The following SMURF1 variants were observed in gnomAD, a reference collection of about 807,000 sequenced individuals.
SMURF1 encodes SMAD specific E3 ubiquitin protein ligase 1.
A neutral mutation model predicts 98.0 loss-of-function variants in SMURF1; 44 were observed. The observed-to-expected ratio is 0.45, with a 90% CI of 0.35 to 0.58. The LOEUF (loss-of-function observed/expected upper bound fraction) is 0.58, where lower values mean the gene tolerates loss of function less well. SMURF1 is among the 20% of genes least tolerant of loss of function. The pLI, the probability that SMURF1 is intolerant of heterozygous loss-of-function variation, is 0.00. For missense variants in SMURF1, 687 were observed against 938.4 expected, an observed-to-expected ratio of 0.73 and a Z score of 3.50; for synonymous variants, 396 against 374.9, an observed-to-expected ratio of 1.06 and a Z score of -0.65.
intron 1 of SMURF1, among the ~76,000 whole-genome samples, chr7:99,092,530 G>A (rs1222593677): frequency 1.3e-5 from 2 of 152,144 alleles, no homozygotes; most frequent in Non-Finnish European, 2.9e-5. Context: ...AGGCAACAAC[G>A]CGCCTTCTCG....
In SMURF1 at chr7:99,045,301, C is replaced by T. The variant is rs113184720; in HGVS notation, c.1256+397G>A. Among the ~76,000 whole-genome samples the T allele has an allele frequency of 4.1e-3, 618 of 152,306 alleles. 2 individuals are homozygous for T. The highest frequency in any genetic ancestry group is 0.013 in the African/African-American group (542 of 41,552). ...ATTCCTTTGACACAAATGCAATTTA[C>T]ATGCACAAATGCAATCCCTGCCCTG... On this transcript the variant is annotated intron_variant, in intron 11 of 17. Transcript: ENST00000361368.
chr7:99,058,165 CTT>C (rs1795931981), intron 3 of SMURF1, among the ~76,000 whole-genome samples: 1 of 151,384 alleles, frequency 6.6e-6, no homozygotes. Context: ...GAATTTTGCT[CTT>C]GTCGCCCAGG....
chr7:99,122,461 T>C (rs1797656092), intron 1 of SMURF1, among the ~76,000 whole-genome samples: 1 of 151,532 alleles, frequency 6.6e-6, no homozygotes, highest in Non-Finnish European at 1.5e-5. Context: ...CTGGCCAACA[T>C]GATGAAACCT....
chr7:99,081,853 G>A (rs7793210), intron 1 of SMURF1, among the ~76,000 whole-genome samples: 10,998 of 152,104 alleles, frequency 0.072, 1,293 homozygotes, highest in African/African-American at 0.25. Flanking sequence ...GGGTTTTGCC[G>A]TGTTGGCCAG....
chr7:99,035,820 G>T, intron 15 of SMURF1, 104 bp from the exon 16 acceptor site: 1 of 1,097,226 alleles, frequency 9.1e-7, no homozygotes, highest in Non-Finnish European at 1.3e-6. Context: ...CGATTCCCAA[G>T]CAAAGCAGCA....
intron 1 of SMURF1, among the ~76,000 whole-genome samples, chr7:99,064,007 T>G (rs1796131113): frequency 6.6e-6 from 1 of 152,194 alleles, no homozygotes; most frequent in Admixed American, 6.5e-5. Flanking sequence ...CAAATGCTTT[T>G]TCTACATGTG....
intron 1 of SMURF1, among the ~76,000 whole-genome samples, chr7:99,091,611 ATGTTCCT>A (rs1247504022): frequency 6.6e-6 from 1 of 152,014 alleles, no homozygotes; most frequent in Non-Finnish European, 1.5e-5. Context: ...CACAAACAAA[ATGTTCCT>A]TGCCCAGACC....
At chr7:99,088,482 CT>C (rs796742565) in intron 1 of SMURF1, among the ~76,000 whole-genome samples, 56 of 146,486 alleles carry the variant, frequency 3.8e-4, no homozygotes, top group East Asian at 2.8e-3. Context: ...TTACCTACTT[CT>C]TTTTTTTTTT....
chr7:99,053,969 C>T (rs971378274), intron 6 of SMURF1, among the ~76,000 whole-genome samples: 1 of 152,048 alleles, frequency 6.6e-6, no homozygotes, highest in Non-Finnish European at 1.5e-5. Context: ...CTTGCTGTGT[C>T]GCCCAAGGTG....
chr7:99,038,120 A>C (rs1369554728), intron 14 of SMURF1, among the ~76,000 whole-genome samples: 1 of 151,454 alleles, frequency 6.6e-6, no homozygotes, highest in Non-Finnish European at 1.5e-5. Context: ...CCACCTTTGC[A>C]CCCAGAATTA....
chr7:99,040,602 C>T, intron 12 of SMURF1, 46 bp from the exon 13 acceptor site: 2 of 1,368,696 alleles, frequency 1.5e-6, no homozygotes, highest in South Asian at 2.0e-5. Flanking sequence ...ATGGTGCCGG[C>T]CAATGTGGGA....
At chr7:99,050,517 C>A in intron 8 of SMURF1, 1 of 156,834 alleles carries the variant, frequency 6.4e-6, no homozygotes, top group South Asian at 1.9e-4. Context: ...GCTTTTTGCT[C>A]AACAAGTATT....
intron 1 of SMURF1, among the ~76,000 whole-genome samples, chr7:99,124,473 C>T (rs751741827): frequency 2.0e-5 from 3 of 152,180 alleles, no homozygotes; most frequent in Non-Finnish European, 4.4e-5. Flanking sequence ...GAAGGCTGCA[C>T]AGCTCTAGCA....
intron 10 of SMURF1, among the ~76,000 whole-genome samples, chr7:99,047,283 G>A (rs1380108260): frequency 2.0e-5 from 3 of 152,180 alleles, no homozygotes; most frequent in African/African-American, 7.2e-5. Flanking sequence ...AGACTACCTG[G>A]CTCTGGGGAA....
At chr7:99,106,090 TCC>T (rs1797188636) in intron 1 of SMURF1, among the ~76,000 whole-genome samples, 1 of 152,224 alleles carries the variant, frequency 6.6e-6, no homozygotes, top group Non-Finnish European at 1.5e-5. Context: ...TCTTCACCAT[TCC>T]ATCTTTCCCT....
At chr7:99,118,125 C>CA (rs904157331) in intron 1 of SMURF1, among the ~76,000 whole-genome samples, 2 of 152,020 alleles carry the variant, frequency 1.3e-5, no homozygotes, top group African/African-American at 2.4e-5. Context: ...AACTAAACAG[C>CA]AAAAAACAAA....
At chr7:99,083,927 ATAGTAGGCACT>A (rs559889881) in intron 1 of SMURF1, among the ~76,000 whole-genome samples, 30 of 152,376 alleles carry the variant, frequency 2.0e-4, no homozygotes, top group African/African-American at 5.5e-4. Context: ...TGCACAGCAC[ATAGTAGGCACT>A]TGATCGATAT....
chr7:99,138,846 ATTGCAAT>A (rs1798052594), intron 1 of SMURF1, among the ~76,000 whole-genome samples: 1 of 152,228 alleles, frequency 6.6e-6, no homozygotes, highest in Admixed American at 6.5e-5. Flanking sequence ...TTAAAGTATA[ATTGCAAT>A]TCAAGTTTTG....
intron 9 of SMURF1, chr7:99,049,312 T>C: frequency 2.2e-6 from 1 of 449,860 alleles, no homozygotes; most frequent in Non-Finnish European, 4.0e-6. Flanking sequence ...AGCCGCCTAA[T>C]ACTGCCATCT....
Sources: gnomAD v4.1 joint callset for allele counts (sites outside exome capture counted in the v4.1 genomes callset) on GRCh38, gnomAD v4.1.1 for gene constraint, MANE v1.5 for transcripts, NCBI Gene and HGNC (gene_info 2026-07-23, HGNC 2026-07-21) for gene names.